The following UNC5C variants were observed in gnomAD, a reference collection of about 807,000 sequenced individuals.
UNC5C encodes unc-5 netrin receptor C.
Under a neutral mutation model 99.8 loss-of-function variants are expected in UNC5C, and 47 were observed. The observed-to-expected ratio is 0.47, with a 90% CI of 0.37 to 0.60. The LOEUF is 0.60. Ranked by LOEUF, UNC5C falls within the 20% of genes least tolerant of loss-of-function variation. The pLI is 0.00. For synonymous variants in UNC5C, 487 were observed against 452.2 expected, an observed-to-expected ratio of 1.08 and a Z score of -0.98; for missense variants, 1,062 against 1,165.9, an observed-to-expected ratio of 0.91 and a Z score of 1.30.
In UNC5C at chr4:95,335,423, T is replaced by C. The variant is rs749658191; in HGVS notation, c.333A>G (p.Val111=). ...TGGAAAACTCACCGGAAGTTTCATC[T>C]ACTCTTTCATCTACTATGTGGTCCT... ...HQKDHIVDER[V]DETSGLIVRE... Residue 111 remains valine (V), a synonymous_variant, in exon 2 of 16, where the codon GTA becomes GTG. Transcript: ENST00000453304. 21 of 1,611,078 alleles carry C rather than the reference T, an allele frequency of 1.3e-5. No homozygotes were observed. The East Asian group carries it at 4.5e-4, about 34-fold the overall frequency.
rs879935743 is a variant in UNC5C, at chr4:95,495,633, T to G, written c.124+53101A>C. Reference sequence around the variant, plus strand: ...GACATGGGTTAAAATCCATATTTTATGGATAAGGAGCCAAGGCTTCAGCAA... The same window carrying G: ...GACATGGGTTAAAATCCATATTTTAGGGATAAGGAGCCAAGGCTTCAGCAA... On this transcript the variant is annotated intron_variant, in intron 1 of 15. Transcript: ENST00000453304. Among the ~76,000 whole-genome samples the G allele has an allele frequency of 2.0e-5, 3 of 151,718 alleles. No individual in the cohort carries two copies. The Admixed American group carries it at 2.0e-4, about 10-fold the overall frequency.
At position 95,242,589 on chromosome 4, in the gene UNC5C, A is replaced by G. The variant is rs1160658223; in HGVS notation, c.948T>C (p.Asp316=). Residue 316 remains aspartate, a synonymous_variant, in exon 7 of 16, where the codon GAT becomes GAC. Transcript: ENST00000453304. ...KIACTTLCPV[D]GRWTPWSKWS... ...ACTTGCTCCATGGCGTCCACCTGCC[A>G]TCCACTGCCATGGAAAAAATGCAGC... 1.3e-6 allele frequency: 2 copies of G among 1,572,428 alleles called. No individual in the cohort carries two copies. The highest frequency in any genetic ancestry group is 3.7e-5 in the Admixed American group (2 of 54,614).
rs901006904 is a variant in UNC5C, at chr4:95,477,182, A to G, written c.124+71552T>C. ...AGATTTTGCCTACTGGCTATGACAT[A>G]TATTAGGTTCCCTCTTGAGGTCCTG... On this transcript the variant is annotated intron_variant, in intron 1 of 15. Coordinates refer to ENST00000453304, the MANE Select transcript of UNC5C (RefSeq NM_003728.4). Among the ~76,000 whole-genome samples the G allele has an allele frequency of 7.2e-5, 11 of 152,178 alleles. No individual in the cohort carries two copies. In the South Asian group the frequency reaches 8.3e-4, roughly 11 times the overall value.
At chr4:95,478,487 A>G (rs1721030604) in intron 1 of UNC5C, among the ~76,000 whole-genome samples, 1 of 151,844 alleles carries the variant, frequency 6.6e-6, no homozygotes, top group Non-Finnish European at 1.5e-5. Flanking sequence ...TTCACCATAT[A>G]TCTCTCTTGT....
intron 2 of UNC5C, among the ~76,000 whole-genome samples, chr4:95,312,072 A>G (rs551520569): frequency 5.3e-5 from 8 of 150,966 alleles, no homozygotes; most frequent in African/African-American, 2.0e-4. Context: ...AAACAAAAAC[A>G]ACAACAACAA....
Position 95,218,964 on chromosome 4 carries a change from A to G in UNC5C, c.1645+5T>C. The G allele has an allele frequency of 6.3e-7, 1 of 1,586,626 alleles. No individual in the cohort carries two copies. Among genetic ancestry groups the G allele is most frequent in the East Asian group, 2.2e-5 (1 of 44,472 alleles). Reference sequence around the variant, plus strand: ...CTCTTTGCAATTTAAACCTCTAGGAATTACCTGAATTGGGAACAATAAGGT... The same window carrying G: ...CTCTTTGCAATTTAAACCTCTAGGAGTTACCTGAATTGGGAACAATAAGGT... On this transcript the variant is annotated splice_donor_5th_base_variant and intron_variant, in intron 9 of 15. Transcript: ENST00000453304.
intron 4 of UNC5C, among the ~76,000 whole-genome samples, chr4:95,252,995 G>C (rs1739802069): frequency 6.6e-6 from 1 of 152,150 alleles, no homozygotes; most frequent in South Asian, 2.1e-4. Flanking sequence ...GTTTGAACTT[G>C]GGTCCCATTC....
At chr4:95,384,749 G>A (rs758316442) in intron 1 of UNC5C, among the ~76,000 whole-genome samples, 20 of 152,140 alleles carry the variant, frequency 1.3e-4, no homozygotes, top group Admixed American at 3.3e-4. Flanking sequence ...CAGAAAGCGG[G>A]TGAGTAGGCA....
At chr4:95,320,255 C>T (rs570334706) in intron 2 of UNC5C, among the ~76,000 whole-genome samples, 1 of 152,028 alleles carries the variant, frequency 6.6e-6, no homozygotes, top group East Asian at 1.9e-4. Context: ...AACCTCGTCT[C>T]TACTAAAAAT....
At chr4:95,470,396 C>A (rs1240248640) in intron 1 of UNC5C, among the ~76,000 whole-genome samples, 1 of 152,102 alleles carries the variant, frequency 6.6e-6, no homozygotes, top group Admixed American at 6.6e-5. Context: ...TAACATGGTT[C>A]TGTTGATCAG....
chr4:95,456,524 C>A (rs940725023), intron 1 of UNC5C, among the ~76,000 whole-genome samples: 2 of 151,982 alleles, frequency 1.3e-5, no homozygotes, highest in African/African-American at 4.8e-5. Context: ...CAATATAAAT[C>A]CTGAAAATGA....
At chr4:95,205,055 C>T (rs3775051) in intron 11 of UNC5C, among the ~76,000 whole-genome samples, 74,912 of 151,836 alleles carry the variant, frequency 0.49, 20,895 homozygotes, top group Middle Eastern at 0.75. Context: ...GGAAAGCCTC[C>T]GGTATCCCCT....
At chr4:95,201,766 G>A (rs1386024395) in intron 12 of UNC5C, among the ~76,000 whole-genome samples, 1 of 151,804 alleles carries the variant, frequency 6.6e-6, no homozygotes, top group Non-Finnish European at 1.5e-5. Context: ...ATCATGCCCG[G>A]CTAATTTTTT....
intron 1 of UNC5C, among the ~76,000 whole-genome samples, chr4:95,382,982 C>T (rs10461172): frequency 0.21 from 32,580 of 152,010 alleles, 4,189 homozygotes; most frequent in East Asian, 0.64. Flanking sequence ...TTAACTTAAC[C>T]GCAGATACAC....
At chr4:95,501,500 G>A (rs1721774799) in intron 1 of UNC5C, among the ~76,000 whole-genome samples, 1 of 151,996 alleles carries the variant, frequency 6.6e-6, no homozygotes, top group Non-Finnish European at 1.5e-5. Context: ...ATAGGGCAAA[G>A]GTCATTTTCA....
chr4:95,193,900 G>A (rs867912811), intron 12 of UNC5C, among the ~76,000 whole-genome samples: 29 of 152,162 alleles, frequency 1.9e-4, no homozygotes, highest in African/African-American at 2.7e-4. Context: ...CCTGGCGCCC[G>A]GCCTGGCTTT....
At position 95,389,721 on chromosome 4, in the gene UNC5C, G is replaced by A. The variant is rs527476787; in HGVS notation, c.125-54090C>T. On this transcript the variant is annotated intron_variant, in intron 1 of 15. Transcript: ENST00000453304. ...CAAATACAGATCATGTATTTCTGATGAAAATTTAAAATCCACATTTGATGT... is the reference window on the plus strand; with the variant it reads ...CAAATACAGATCATGTATTTCTGATAAAAATTTAAAATCCACATTTGATGT... Among the ~76,000 whole-genome samples, 6 of 151,828 alleles carry A rather than the reference G, an allele frequency of 4.0e-5. No individual in the cohort carries two copies. The East Asian group carries it at 9.7e-4, about 25-fold the overall frequency.
At chr4:95,197,186 TATAATA>T (rs1417444919) in intron 12 of UNC5C, among the ~76,000 whole-genome samples, 2 of 147,904 alleles carry the variant, frequency 1.4e-5, no homozygotes, top group Non-Finnish European at 3.0e-5. Context: ...TATAACCACA[TATAATA>T]ATAATAAAAA....
At chr4:95,364,490 C>T (rs1244642546) in intron 1 of UNC5C, among the ~76,000 whole-genome samples, 2 of 152,136 alleles carry the variant, frequency 1.3e-5, no homozygotes, top group Non-Finnish European at 2.9e-5. Flanking sequence ...ACTATGATTG[C>T]TTTTGCAGCT....
Sources: allele counts gnomAD v4.1 joint callset (sites outside exome capture counted in the v4.1 genomes callset), GRCh38; gene constraint gnomAD v4.1.1; transcripts MANE v1.5; gene names NCBI Gene and HGNC (gene_info 2026-07-23, HGNC 2026-07-21).